Variants in GBX1 observed in about 807,000 individuals in gnomAD.
The protein encoded by GBX1 is homeobox protein GBX-1.
GBX1 carries 9 observed loss-of-function variants against 22.9 expected under a neutral mutation model. The observed-to-expected ratio is 0.39, with a 90% CI of 0.24 to 0.69. The LOEUF is 0.69. Ranked by LOEUF, GBX1 falls within the 30% of genes least tolerant of loss-of-function variation. The pLI is 0.43. For missense variants in GBX1, 494 were observed against 509.2 expected (o/e 0.97, Z 0.29); for synonymous variants, 203 against 227.3 (o/e 0.89, Z 0.96).
At chr7:151,163,204 T>C (rs796357020) in intron 1 of GBX1, among the ~76,000 whole-genome samples, 3 of 152,164 alleles carry the variant, frequency 2.0e-5, no homozygotes, top group Admixed American at 6.5e-5. Context: ...GCACCACATC[T>C]TGCACACAGC....
chr7:151,157,448 ATCTC>A, intron 1 of GBX1, among the ~76,000 whole-genome samples: 1 of 152,214 alleles, frequency 6.6e-6, no homozygotes, highest in South Asian at 2.1e-4. Flanking sequence ...TACTATCTTC[ATCTC>A]TCTCTGCCTT....
chr7:151,166,086 C>G (rs1801246637), intron 1 of GBX1, among the ~76,000 whole-genome samples: 1 of 152,144 alleles, frequency 6.6e-6, no homozygotes, highest in African/African-American at 2.4e-5. Context: ...CTTTGGAACT[C>G]AGAACACCTG....
rs752102796 is a variant in GBX1, at chr7:151,167,158, T to TGGCGGCGGCGGCGGCAGC, written c.373_390dup (p.Ala125_Ala130dup). ...GGCTCGGGGTTGTTTCGGGCGGCAG[T>TGGCGGCGGCGGCGGCAGC]GGCGGCGGCGGCGGCAGCGGCGGCG... On this transcript the variant is annotated inframe_insertion, in exon 1 of 2. Coordinates refer to ENST00000297537, the MANE Select transcript of GBX1 (RefSeq NM_001098834.3). The surrounding 1 kb of genome is among the most constrained non-coding windows in gnomAD (Gnocchi z 5.9). 7 of 1,591,928 alleles carry TGGCGGCGGCGGCGGCAGC rather than the reference T, an allele frequency of 4.4e-6. No individual in the cohort carries two copies. The highest frequency in any genetic ancestry group is 5.1e-6 in the Non-Finnish European group (6 of 1,171,712).
intron 1 of GBX1, among the ~76,000 whole-genome samples, chr7:151,162,093 T>G (rs111645831): frequency 0.013 from 1,999 of 152,328 alleles, 44 homozygotes; most frequent in African/African-American, 0.044. Flanking sequence ...GTGTCACAAC[T>G]CCTAAACAAA....
intron 1 of GBX1, among the ~76,000 whole-genome samples, chr7:151,158,966 A>C (rs1801164475): frequency 6.6e-6 from 1 of 152,192 alleles, no homozygotes; most frequent in South Asian, 2.1e-4. Flanking sequence ...CTTCCTATAG[A>C]TCACAAAGAA....
rs964997305 is a variant in GBX1 at position 151,148,470 on chromosome 7, C to T, written c.*119G>A. On this transcript the variant is annotated 3_prime_UTR_variant, in exon 2 of 2. Coordinates refer to ENST00000297537, the MANE Select transcript of GBX1 (RefSeq NM_001098834.3). The surrounding 1 kb of genome is among the most constrained non-coding windows in gnomAD (Gnocchi z 5.1). ...GCACACCCAGGGCTAGGTTAATTGC[C>T]AACTAGCCCCTCTCAAGGCAGAATC... 1.7e-5 allele frequency: 16 copies of T among 958,486 alleles called. No homozygotes were observed. Among genetic ancestry groups the T allele is most frequent in the Non-Finnish European group, 2.2e-5 (14 of 648,264 alleles). The allele number at this position is 958,486 out of a possible 1,614,324, so 59.4% of individuals were successfully genotyped here.
At chr7:151,163,883 C>T (rs954958223) in intron 1 of GBX1, among the ~76,000 whole-genome samples, 2 of 152,168 alleles carry the variant, frequency 1.3e-5, no homozygotes, top group African/African-American at 2.4e-5. Context: ...TCTTTTCAAT[C>T]TACCATTTTC....
At chr7:151,164,578 T>A (rs572622486) in intron 1 of GBX1, among the ~76,000 whole-genome samples, 2 of 152,274 alleles carry the variant, frequency 1.3e-5, no homozygotes, top group Admixed American at 6.5e-5. Flanking sequence ...CTTTGAATGT[T>A]TCTTCTGAAG....
At chr7:151,166,103 T>C (rs755908297) in intron 1 of GBX1, among the ~76,000 whole-genome samples, 57 of 152,288 alleles carry the variant, frequency 3.7e-4, no homozygotes, top group South Asian at 1.2e-3. Flanking sequence ...CCTGAATCTG[T>C]CTAGCCAGAA....
At chr7:151,165,374 T>TC (rs986070476) in intron 1 of GBX1, among the ~76,000 whole-genome samples, 3 of 151,982 alleles carry the variant, frequency 2.0e-5, no homozygotes, top group Non-Finnish European at 2.9e-5. Flanking sequence ...TACCAAGGGA[T>TC]CCCCCCTCCA....
In GBX1 at chr7:151,167,372, C is replaced by G. The variant is rs1400477046; in HGVS notation, c.177G>C (p.Gln59His). 2 of 1,510,560 alleles carry G rather than the reference C, an allele frequency of 1.3e-6. No homozygotes were observed. The highest frequency in any genetic ancestry group is 2.9e-5 in the African/African-American group (2 of 68,434). The allele number at this position is 1,510,560 out of a possible 1,614,324, so 93.6% of individuals were successfully genotyped here. A position where few individuals can be genotyped will look rare whatever the true frequency, so the allele number is the denominator to read the frequency against. The change falls in exon 1 of 2, where the codon CAG becomes CAC. Residue 59 changes from glutamine (Q) to histidine (H), a missense_variant. Transcript: ENST00000297537. The surrounding 1 kb of genome is among the most constrained non-coding windows in gnomAD (Gnocchi z 5.9). ...FMPYRPLVLP[Q>H]ALAPAPLPAG... ...CGGGCAGCGGCGCAGGGGCCAGCGCCTGCGGCAGCACGAGCGGCCGGTAGG... is the reference window on the plus strand; with the variant it reads ...CGGGCAGCGGCGCAGGGGCCAGCGCGTGCGGCAGCACGAGCGGCCGGTAGG...
intron 1 of GBX1, among the ~76,000 whole-genome samples, chr7:151,156,186 C>A (rs1801131231): frequency 6.6e-6 from 1 of 151,766 alleles, no homozygotes; most frequent in South Asian, 2.1e-4. Flanking sequence ...GAGTTGGAGA[C>A]CAGCCTGGCC....
chr7:151,149,187 A>G, intron 1 of GBX1, 45 bp from the exon 2 acceptor site: 2 of 1,555,844 alleles, frequency 1.3e-6, no homozygotes, highest in Non-Finnish European at 8.6e-7. Context: ...AGAAGCAAGA[A>G]AAAGAGAGTT....
intron 1 of GBX1, among the ~76,000 whole-genome samples, chr7:151,162,425 G>A (rs1258800908): frequency 6.6e-6 from 1 of 152,152 alleles, no homozygotes; most frequent in South Asian, 2.1e-4. Context: ...ACTTGAATAC[G>A]AGGCTCCTAG....
intron 1 of GBX1, among the ~76,000 whole-genome samples, chr7:151,154,429 T>C (rs1203294590): frequency 1.3e-5 from 2 of 152,218 alleles, no homozygotes; most frequent in African/African-American, 4.8e-5. Flanking sequence ...GCTAGGTAAG[T>C]AGGCCAAACA....
chr7:151,152,573 C>G (rs1801092210), intron 1 of GBX1, among the ~76,000 whole-genome samples: 1 of 152,156 alleles, frequency 6.6e-6, no homozygotes, highest in Non-Finnish European at 1.5e-5. Flanking sequence ...TTAAACAGTG[C>G]TAAAAAGGCA....
chr7:151,162,504 C>A (rs942242162), intron 1 of GBX1, among the ~76,000 whole-genome samples: 5 of 152,138 alleles, frequency 3.3e-5, no homozygotes, highest in Admixed American at 1.3e-4. Context: ...ATTAGCAAAT[C>A]TTTTTAAGCT....
At chr7:151,162,230 A>G (rs1216826288) in intron 1 of GBX1, among the ~76,000 whole-genome samples, 2 of 152,326 alleles carry the variant, frequency 1.3e-5, no homozygotes, top group Non-Finnish European at 2.9e-5. Context: ...ACTTCCCCCA[A>G]AAATCTCCCT....
rs1354456682 is a variant in GBX1, at chr7:151,149,021, G to A, written c.660C>T (p.Asp220=). ...GGDSEDDGFL[D]SSAGGPGALL... ...GAGCCCCTGGGCCCCCTGCAGAACT[G>A]TCCAGGAAACCGTCATCCTCGCTGT... The change falls in exon 2 of 2, where the codon GAC becomes GAT. Residue 220 remains aspartate, a synonymous_variant. Coordinates refer to ENST00000297537, the MANE Select transcript of GBX1 (RefSeq NM_001098834.3). The A allele has an allele frequency of 1.2e-6, 2 of 1,613,842 alleles. No homozygotes were observed. Among genetic ancestry groups the A allele is most frequent in the African/African-American group, 2.7e-5 (2 of 74,880 alleles).
Sources: gnomAD v4.1 joint callset for allele counts (sites outside exome capture counted in the v4.1 genomes callset) on GRCh38, gnomAD v4.1.1 for gene constraint, Gnocchi (gnomAD v3.1) non-coding constraint, MANE v1.5 for transcripts, NCBI Gene and HGNC (gene_info 2026-07-23, HGNC 2026-07-21) for gene names.